Variants in GRK7 observed in about 807,000 individuals in gnomAD.
GRK7 encodes G protein-coupled receptor kinase 7.
A neutral mutation model predicts 34.1 loss-of-function variants in GRK7; 24 were observed. The ratio of observed to expected loss-of-function variants is 0.70; its 90% CI spans 0.51 to 0.99. The LOEUF (loss-of-function observed/expected upper bound fraction) is 0.99, where lower values mean the gene tolerates loss of function less well. GRK7 is among the 50% of genes least tolerant of loss of function. The pLI is 0.00. For missense variants in GRK7, 644 were observed against 707.3 expected (o/e 0.91, Z 1.02); for synonymous variants, 256 against 279.4 (o/e 0.92, Z 0.84).
intron 4 of GRK7, among the ~76,000 whole-genome samples, chr3:141,788,995 A>C (rs2084710306): frequency 1.3e-5 from 2 of 152,112 alleles, no homozygotes; most frequent in Non-Finnish European, 2.9e-5. Context: ...TTGTATTTTT[A>C]GTAGAGATGG....
intron 4 of GRK7, among the ~76,000 whole-genome samples, chr3:141,805,191 C>G (rs547413801): frequency 6.6e-6 from 1 of 152,268 alleles, no homozygotes; most frequent in Non-Finnish European, 1.5e-5. Flanking sequence ...ATTGAATCAA[C>G]CTTCTGACCT....
In GRK7 at chr3:141,764,536, C is replaced by G. The variant is rs939047793; in HGVS notation, c.-1417C>G. On this transcript the variant is annotated 5_prime_UTR_variant, in exon 1 of 6. Coordinates refer to ENST00000682958, the MANE Select transcript of GRK7 (RefSeq NM_139209.3). ...TCCCTTGATATCCAGGATCCACATT[C>G]TGTCTCTCCTAATACCCCACTGCCC... 6.6e-6 allele frequency among the ~76,000 whole-genome samples: 1 copy of G among 152,182 alleles called. No individual in the cohort carries two copies. Among genetic ancestry groups the G allele is most frequent in the African/African-American group, 2.4e-5 (1 of 41,444 alleles).
In GRK7 at chr3:141,780,428, G is replaced by T. The variant is rs1258483456; in HGVS notation, c.667G>T (p.Asp223Tyr). 1.9e-6 allele frequency: 3 copies of T among 1,614,086 alleles called. No individual in the cohort carries two copies. Among genetic ancestry groups the T allele is most frequent in the Non-Finnish European group, 2.5e-6 (3 of 1,180,056 alleles). ...TGKMYACKKL[D>Y]KKRLKKKGGE... Reference sequence around the variant, plus strand: ...GAAGATGTATGCCTGTAAGAAACTGGACAAGAAGCGGCTGAAGAAGAAAGG... The same window carrying T: ...GAAGATGTATGCCTGTAAGAAACTGTACAAGAAGCGGCTGAAGAAGAAAGG... The change falls in exon 4 of 6, where the codon GAC becomes TAC. Residue 223 changes from aspartate to tyrosine, a missense_variant. Asp to Tyr is a radical substitution (Grantham distance 160). Coordinates refer to ENST00000682958, the MANE Select transcript of GRK7 (RefSeq NM_139209.3).
At chr3:141,806,503 C>A (rs903151566) in intron 4 of GRK7, among the ~76,000 whole-genome samples, 1 of 152,028 alleles carries the variant, frequency 6.6e-6, no homozygotes. Context: ...GTAGAGGTTG[C>A]AGTGAGCTGA....
intron 3 of GRK7, among the ~76,000 whole-genome samples, chr3:141,779,512 TTAAG>T (rs2084660705): frequency 6.6e-6 from 1 of 152,206 alleles, no homozygotes; most frequent in South Asian, 2.1e-4. Context: ...CTTTCTGTTT[TTAAG>T]TAATAAAAAA....
chr3:141,803,240 A>G (rs977633810), intron 4 of GRK7, among the ~76,000 whole-genome samples: 1 of 147,202 alleles, frequency 6.8e-6, no homozygotes, highest in African/African-American at 2.5e-5. Context: ...CAGCCTGGCC[A>G]ACATGGTGAA....
rs1232575952 is a variant in GRK7, at chr3:141,766,167, TTTC to T, written c.-215+432_-215+434del. Among the ~76,000 whole-genome samples, 942 of 145,758 alleles carry T rather than the reference TTTC, an allele frequency of 6.5e-3. 8 individuals are homozygous for T. Among genetic ancestry groups the T allele is most frequent in the African/African-American group, 0.025 (909 of 35,840 alleles). On this transcript the variant is annotated intron_variant, in intron 1 of 5. Transcript: ENST00000682958. ...AACATTTACACGCTTAACTTAATTT[TTTC>T]TTTTTTTTTTTGAGATGGAGTCTCA...
chr3:141,803,926 G>GGT (rs2107891584), intron 4 of GRK7, among the ~76,000 whole-genome samples: 1 of 53,832 alleles, frequency 1.9e-5, no homozygotes, highest in Admixed American at 1.7e-4. Flanking sequence ...TGACCAGGCT[G>GGT]GTCTCAACTC....
At chr3:141,773,580 C>T (rs2084626181) in intron 1 of GRK7, among the ~76,000 whole-genome samples, 1 of 152,148 alleles carries the variant, frequency 6.6e-6, no homozygotes, top group Admixed American at 6.6e-5. Context: ...GGCACTATCT[C>T]GGCTCACTGC....
intron 5 of GRK7, among the ~76,000 whole-genome samples, chr3:141,815,226 G>C (rs891193941): frequency 9.6e-6 from 1 of 104,254 alleles, no homozygotes; most frequent in Non-Finnish European, 2.0e-5. Flanking sequence ...TGTCTGGTTG[G>C]TTTTTTTTGT....
intron 1 of GRK7, among the ~76,000 whole-genome samples, chr3:141,772,178 T>G (rs907654732): frequency 2.0e-5 from 3 of 151,834 alleles, no homozygotes; most frequent in African/African-American, 7.3e-5. Flanking sequence ...CACTGCAACC[T>G]CCACCTCCCA....
chr3:141,807,676 T>G lies in GRK7; in HGVS notation c.1082T>G (p.Ile361Ser). 6.2e-7 allele frequency: 1 copy of G among 1,614,210 alleles called. No individual in the cohort carries two copies. The highest frequency in any genetic ancestry group is 8.5e-7 in the Non-Finnish European group (1 of 1,180,018). The part of the protein sequence containing the change: ...AGTNGYMAPE[I>S]LMEKVSYSYP... ...ACCAATGGTTACATGGCTCCTGAGA[T>G]CCTAATGGAAAAGGTAAGTTATTCC... Residue 361 changes from isoleucine to serine, a missense_variant, in exon 5 of 6, where the codon ATC becomes AGC. Physicochemically the swap from Ile to Ser is moderately radical, Grantham distance 142 (BLOSUM62 -2). Transcript: ENST00000682958.
intron 4 of GRK7, among the ~76,000 whole-genome samples, chr3:141,805,564 G>T (rs969703710): frequency 2.0e-5 from 3 of 152,164 alleles, no homozygotes; most frequent in Non-Finnish European, 4.4e-5. Context: ...TTATATACCA[G>T]CTTCTCTGAA....
intron 5 of GRK7, among the ~76,000 whole-genome samples, chr3:141,808,832 G>C (rs1301549407): frequency 6.6e-6 from 1 of 152,162 alleles, no homozygotes; most frequent in Non-Finnish European, 1.5e-5. Context: ...TCTGGAGATT[G>C]GTTGCATAAC....
chr3:141,781,177 GA>G (rs1176827419), intron 4 of GRK7, among the ~76,000 whole-genome samples: 2 of 152,108 alleles, frequency 1.3e-5, no homozygotes, highest in African/African-American at 4.8e-5. Context: ...TCCTTTTCTG[GA>G]AAATGAAGGG....
chr3:141,762,905 A>T (rs1365219913), upstream of GRK7, among the ~76,000 whole-genome samples: 2 of 151,898 alleles, frequency 1.3e-5, no homozygotes, highest in East Asian at 1.9e-4. Context: ...TGCGTCCGTC[A>T]CTCCTTTCTT....
At chr3:141,797,524 C>T (rs1710905165) in intron 4 of GRK7, among the ~76,000 whole-genome samples, 1 of 152,242 alleles carries the variant, frequency 6.6e-6, no homozygotes, top group African/African-American at 2.4e-5. Context: ...GCGCTAAGCT[C>T]AGCTTGTTTT....
intron 4 of GRK7, among the ~76,000 whole-genome samples, chr3:141,794,377 TG>T (rs1386814519): frequency 2.0e-5 from 3 of 151,782 alleles, no homozygotes; most frequent in Non-Finnish European, 4.4e-5. Flanking sequence ...CCCCCACAGG[TG>T]GGGAAGAGCA....
In GRK7 at chr3:141,817,224, T is replaced by G; in HGVS notation, c.*174T>G. 5.8e-6 allele frequency: 3 copies of G among 518,298 alleles called. No individual in the cohort carries two copies. The highest frequency in any genetic ancestry group is 1.0e-5 in the Non-Finnish European group (3 of 298,648). 32.1% of individuals were successfully genotyped at this position (518,298 alleles called of 1,614,324 possible). On this transcript the variant is annotated 3_prime_UTR_variant, in exon 6 of 6. Transcript: ENST00000682958. ...TAGAACACATTTTATTTTCTTTTTC[T>G]TTCTTCATAAAGATGAGTAAAGTCT...
Sources: gnomAD v4.1 joint callset for allele counts (sites outside exome capture counted in the v4.1 genomes callset) on GRCh38, gnomAD v4.1.1 for gene constraint, MANE v1.5 for transcripts, NCBI Gene and HGNC (gene_info 2026-07-23, HGNC 2026-07-21) for gene names.